Variants in TRAF3 observed in about 807,000 individuals in gnomAD.
TRAF3 encodes TNF receptor-associated factor 3.
TRAF3 carries 13 observed loss-of-function variants against 62.3 expected under a neutral mutation model. That is an observed-to-expected ratio of 0.21 (90% confidence interval 0.14 to 0.33). The LOEUF is 0.33. Ranked by LOEUF, TRAF3 falls within the 10% of genes least tolerant of loss-of-function variation. TRAF3 has a pLI of 1.00. For synonymous variants in TRAF3, 269 were observed against 283.4 expected (o/e 0.95, Z 0.51); for missense variants, 440 against 741.8 (o/e 0.59, Z 4.73).
At position 102,779,269 on chromosome 14, in the gene TRAF3, CTTTTTTTTTTTTT is replaced by C. The variant is rs61309052; in HGVS notation, c.-157+1611_-157+1623del. Among the ~76,000 whole-genome samples the C allele has an allele frequency of 9.7e-5, 12 of 123,438 alleles. No homozygotes were observed. The South Asian group carries it at 1.6e-3, about 17-fold the overall frequency. 81.0% of individuals were successfully genotyped at this position (123,438 alleles called of 152,430 possible). A position where few individuals can be genotyped will look rare whatever the true frequency, so the allele number is the denominator to read the frequency against. ...GAGAGCTGGCCAGGGAGAATTCCAG[CTTTTTTTTTTTTT>C]TTTTTTTTTTTTTTTTGAGACATTC... On this transcript the variant is annotated intron_variant, in intron 1 of 11. Coordinates refer to ENST00000392745, the MANE Select transcript of TRAF3 (RefSeq NM_145725.3).
intron 1 of TRAF3, among the ~76,000 whole-genome samples, chr14:102,795,438 C>A (rs1484954491): frequency 6.6e-6 from 1 of 152,186 alleles, no homozygotes; most frequent in Non-Finnish European, 1.5e-5. Context: ...GCCACCTAAT[C>A]CTGTGTTTCC....
At chr14:102,875,880 A>G (rs550048191) in intron 5 of TRAF3, 152 bp downstream of exon 5, 20 of 707,672 alleles carry the variant, frequency 2.8e-5, no homozygotes, top group Middle Eastern at 3.4e-4. Flanking sequence ...AGTCAGAACC[A>G]CTTGAGTATA....
At chr14:102,867,949 C>T (rs945671152) in intron 2 of TRAF3, among the ~76,000 whole-genome samples, 13 of 152,228 alleles carry the variant, frequency 8.5e-5, no homozygotes, top group African/African-American at 3.1e-4. Context: ...GGCGTTCATT[C>T]CTGTTTGCTT....
rs139175273 is a variant in TRAF3 at position 102,806,817 on chromosome 14, C to G, written c.-156-23517C>G. ...GGCTCATTGTCCCGGACCTGCAGGA[C>G]AAGGAGGCGTTTTGTCCACAAACCT... On this transcript the variant is annotated intron_variant, in intron 1 of 11. Transcript: ENST00000392745. Among the ~76,000 whole-genome samples the G allele has an allele frequency of 5.9e-5, 9 of 152,238 alleles. No homozygotes were observed. The East Asian group carries it at 1.7e-3, about 29-fold the overall frequency.
chr14:102,790,834 A>G (rs745702417), intron 1 of TRAF3, among the ~76,000 whole-genome samples: 1 of 151,940 alleles, frequency 6.6e-6, no homozygotes, highest in African/African-American at 2.4e-5. Context: ...TTCATTTTCT[A>G]TATTGTTTTG....
Position 102,875,873 on chromosome 14 carries a change from C to T in TRAF3, c.402+145C>T, listed in dbSNP as rs1388999645. 3 of 732,184 alleles carry T rather than the reference C, an allele frequency of 4.1e-6. No homozygotes were observed. In the African/African-American group the frequency reaches 5.3e-5, roughly 13 times the overall value. The allele number at this position is 732,184 out of a possible 1,614,324, so 45.4% of individuals were successfully genotyped here. A position where few individuals can be genotyped will look rare whatever the true frequency, so the allele number is the denominator to read the frequency against. ...AAACACAGCCAAATAGGAAAGCAGT[C>T]AGAACCACTTGAGTATAAGTTGTTA... On this transcript the variant is annotated intron_variant, in intron 5 of 11. Transcript: ENST00000392745.
intron 1 of TRAF3, among the ~76,000 whole-genome samples, chr14:102,807,611 A>G (rs1898852357): frequency 6.6e-6 from 1 of 152,160 alleles, no homozygotes; most frequent in Non-Finnish European, 1.5e-5. Context: ...TGGATGATTC[A>G]CAGGGACCTG....
intron 7 of TRAF3, among the ~76,000 whole-genome samples, chr14:102,889,162 G>A (rs1014656950): frequency 1.1e-4 from 16 of 152,202 alleles, no homozygotes; most frequent in African/African-American, 3.9e-4. Context: ...TATTAGGTGT[G>A]TGACCCAGTT....
At chr14:102,780,316 T>G (rs1897222257) in intron 1 of TRAF3, among the ~76,000 whole-genome samples, 1 of 151,522 alleles carries the variant, frequency 6.6e-6, no homozygotes, top group Non-Finnish European at 1.5e-5. Context: ...AATGCAGTTT[T>G]AAATAGAAAA....
chr14:102,873,047 G>A (rs1279947197), intron 4 of TRAF3, among the ~76,000 whole-genome samples: 6 of 152,214 alleles, frequency 3.9e-5, no homozygotes, highest in African/African-American at 7.2e-5. Context: ...CCTACTTTGA[G>A]TAATATACCT....
At chr14:102,897,011 C>T (rs2139973226) in intron 9 of TRAF3, among the ~76,000 whole-genome samples, 1 of 152,204 alleles carries the variant, frequency 6.6e-6, no homozygotes, top group East Asian at 1.9e-4. Flanking sequence ...GAGGTCAAGG[C>T]TGCAGTGAGC....
chr14:102,778,299 G>A (rs1237662917), intron 1 of TRAF3, among the ~76,000 whole-genome samples: 1 of 151,890 alleles, frequency 6.6e-6, no homozygotes, highest in African/African-American at 2.4e-5. Context: ...CGTCTTCCCC[G>A]CGGGCGCCAG....
Position 102,891,424 on chromosome 14 carries a change from T to C in TRAF3, c.819+7T>C, listed in dbSNP as rs765987424. The C allele has an allele frequency of 2.5e-6, 4 of 1,608,482 alleles. No individual in the cohort carries two copies. Among genetic ancestry groups the C allele is most frequent in the Non-Finnish European group, 2.5e-6 (3 of 1,177,700 alleles). On this transcript the variant is annotated splice_region_variant and intron_variant, in intron 9 of 11. Coordinates refer to ENST00000392745, the MANE Select transcript of TRAF3 (RefSeq NM_145725.3). ...CAACTCGCTCGAAAAGAAGGTGGGC[T>C]GCACACTTTCCTGCTGCTATGGGAT... is the stretch of plus-strand genomic sequence containing the variant.
rs751980343 is a variant in TRAF3 at position 102,870,327 on chromosome 14, G to C, written c.126G>C (p.Lys42Asn). ...FVPEQGGYKE[K>N]FVKTVEDKYK... ...CTGAACAAGGAGGTTACAAGGAAAA[G>C]TTTGTGAAGACCGTGGAGGACAAGT... Residue 42 changes from lysine to asparagine, a missense_variant, in exon 3 of 12, where the codon AAG becomes AAC. Around this residue, in one of 6 missense-constraint regions of TRAF3, gnomAD observed 255 missense variants for 424.1 expected, o/e 0.60. Coordinates refer to ENST00000392745, the MANE Select transcript of TRAF3 (RefSeq NM_145725.3). 1.9e-6 allele frequency: 3 copies of C among 1,614,212 alleles called. No individual in the cohort carries two copies. In the East Asian group the frequency reaches 6.7e-5, roughly 36 times the overall value.
chr14:102,894,038 G>C (rs1378586883), intron 9 of TRAF3, among the ~76,000 whole-genome samples: 1 of 152,218 alleles, frequency 6.6e-6, no homozygotes, highest in African/African-American at 2.4e-5. Flanking sequence ...CACAAAGACT[G>C]ATCCTCAGCT....
chr14:102,846,851 A>G (rs1886755881), intron 2 of TRAF3, among the ~76,000 whole-genome samples: 3 of 151,986 alleles, frequency 2.0e-5, no homozygotes, highest in Admixed American at 2.0e-4. Context: ...TAAAGCTAGT[A>G]CTTACTTACG....
rs377432130 is a variant in TRAF3, at chr14:102,903,718, C to T, written c.1135+289C>T. 2.9e-5 allele frequency: 16 copies of T among 550,106 alleles called. No individual in the cohort carries two copies. The highest frequency in any genetic ancestry group is 4.6e-5 in the South Asian group (3 of 65,444). The allele number at this position is 550,106 out of a possible 1,614,324, so 34.1% of individuals were successfully genotyped here. A position where few individuals can be genotyped will look rare whatever the true frequency, so the allele number is the denominator to read the frequency against. ...CAAAGCCCTCCTGGGAGAGACTGGC[C>T]GCAGGGTGACCCACAGGACAGGCCC... On this transcript the variant is annotated intron_variant, in intron 11 of 11. Transcript: ENST00000392745. This position sits in a 1 kb window ranked among gnomAD's most constrained non-coding sequence, Gnocchi z 6.4.
intron 2 of TRAF3, among the ~76,000 whole-genome samples, chr14:102,865,691 GT>G (rs1294422369): frequency 1.3e-5 from 2 of 152,070 alleles, no homozygotes; most frequent in Non-Finnish European, 2.9e-5. Flanking sequence ...TAGAGACGGG[GT>G]TTCACCATGT....
intron 2 of TRAF3, among the ~76,000 whole-genome samples, chr14:102,868,527 C>A (rs1432711018): frequency 6.6e-6 from 1 of 152,148 alleles, no homozygotes; most frequent in African/African-American, 2.4e-5. Flanking sequence ...TCGTAAAGGT[C>A]GTAAGGCACT....
Sources: gnomAD v4.1 joint callset for allele counts (sites outside exome capture counted in the v4.1 genomes callset) on GRCh38, gnomAD v4.1.1 for gene constraint, gnomAD v4.1.1 regional missense constraint, Gnocchi (gnomAD v3.1) non-coding constraint, MANE v1.5 for transcripts, NCBI Gene and HGNC (gene_info 2026-07-23, HGNC 2026-07-21) for gene names.